NRG3: variants seen among roughly 807,000 people sequenced by gnomAD.
NRG3 encodes pro-neuregulin-3, membrane-bound isoform.
NRG3 carries 31 observed loss-of-function variants against 66.9 expected under a neutral mutation model. The observed-to-expected ratio is 0.46, with a 90% CI of 0.35 to 0.63. The LOEUF is 0.63. Ranked by LOEUF, NRG3 falls within the 20% of genes least tolerant of loss-of-function variation. NRG3 has a pLI of 0.00. For missense variants in NRG3, 910 were observed against 878.9 expected (o/e 1.04, Z -0.45); for synonymous variants, 393 against 359.4 (o/e 1.09, Z -1.06).
At chr10:82,683,111 A>G (rs1482330122) in intron 2 of NRG3, among the ~76,000 whole-genome samples, 1 of 151,618 alleles carries the variant, frequency 6.6e-6, no homozygotes, top group African/African-American at 2.4e-5. Flanking sequence ...GGTGCCCACC[A>G]CCACGCCCGG....
At chr10:82,675,195 G>GGTCCGCCCA (rs1423093665) in intron 2 of NRG3, among the ~76,000 whole-genome samples, 1 of 152,042 alleles carries the variant, frequency 6.6e-6, no homozygotes, top group Non-Finnish European at 1.5e-5. Context: ...GACCTCAGGT[G>GGTCCGCCCA]GTCCGCCCAC....
At chr10:82,723,300 C>G (rs926538115) in intron 2 of NRG3, among the ~76,000 whole-genome samples, 1 of 152,052 alleles carries the variant, frequency 6.6e-6, no homozygotes, top group Admixed American at 6.6e-5. Flanking sequence ...ACAATAGACA[C>G]TGGGGACTAC....
At chr10:82,011,195 G>A (rs983101330) in intron 1 of NRG3, among the ~76,000 whole-genome samples, 6 of 152,070 alleles carry the variant, frequency 3.9e-5, no homozygotes, top group African/African-American at 1.4e-4. Context: ...CAATCATGGT[G>A]GAATGAAAGG....
At chr10:82,455,753 T>C (rs932367424) in intron 2 of NRG3, among the ~76,000 whole-genome samples, 5 of 152,020 alleles carry the variant, frequency 3.3e-5, no homozygotes, top group African/African-American at 1.2e-4. Context: ...TAGCTGGGAT[T>C]ACAGGTGCCC....
intron 2 of NRG3, among the ~76,000 whole-genome samples, chr10:82,723,610 A>C (rs1376215418): frequency 6.6e-6 from 1 of 152,258 alleles, no homozygotes; most frequent in Non-Finnish European, 1.5e-5. Flanking sequence ...ATGATAGTCT[A>C]TAAATGTGTG....
At chr10:82,840,842 CT>C (rs907891701) in intron 3 of NRG3, among the ~76,000 whole-genome samples, 3 of 151,132 alleles carry the variant, frequency 2.0e-5, no homozygotes, top group African/African-American at 4.9e-5. Flanking sequence ...TGCCTCGTGT[CT>C]TTTTTTTTCT....
intron 1 of NRG3, among the ~76,000 whole-genome samples, chr10:82,195,479 TGTG>T (rs2074396265): frequency 6.6e-6 from 1 of 152,146 alleles, no homozygotes; most frequent in Non-Finnish European, 1.5e-5. Flanking sequence ...TGAACTTTGT[TGTG>T]GTGTCTGATA....
chr10:82,979,749 A>T (rs548408440), intron 8 of NRG3, among the ~76,000 whole-genome samples: 1 of 152,178 alleles, frequency 6.6e-6, no homozygotes, highest in African/African-American at 2.4e-5. Flanking sequence ...TGAGTACAGG[A>T]TGAATGTTAA....
At chr10:82,503,381 T>A (rs774858667) in intron 2 of NRG3, among the ~76,000 whole-genome samples, 5 of 152,132 alleles carry the variant, frequency 3.3e-5, no homozygotes, top group Non-Finnish European at 5.9e-5. Context: ...GAGAAGGAAC[T>A]TTGGTAGTAG....
At chr10:82,738,325 G>A (rs1219571792) in intron 2 of NRG3, among the ~76,000 whole-genome samples, 1 of 152,264 alleles carries the variant, frequency 6.6e-6, no homozygotes, top group Middle Eastern at 3.4e-3. Context: ...CTTAAAATGC[G>A]ATTCAATTTG....
At chr10:82,097,309 C>A (rs926773628) in intron 1 of NRG3, among the ~76,000 whole-genome samples, 1 of 148,476 alleles carries the variant, frequency 6.7e-6, no homozygotes, top group Non-Finnish European at 1.5e-5. Context: ...TTTGTTTCAT[C>A]ATTTGTTTAT....
chr10:82,385,867 T>A (rs1192446173), intron 2 of NRG3, among the ~76,000 whole-genome samples: 1 of 152,196 alleles, frequency 6.6e-6, no homozygotes, highest in East Asian at 1.9e-4. Flanking sequence ...ATGTTTTAGC[T>A]ATTAAACCAC....
At chr10:82,042,942 T>G (rs903612794) in intron 1 of NRG3, among the ~76,000 whole-genome samples, 1 of 152,020 alleles carries the variant, frequency 6.6e-6, no homozygotes, top group Non-Finnish European at 1.5e-5. Context: ...GCAAAACATT[T>G]TATTAGAGAT....
rs558771527 is a variant in NRG3 at position 82,361,410 on chromosome 10, C to T, written c.953+2542C>T. Among the ~76,000 whole-genome samples the T allele has an allele frequency of 6.6e-5, 10 of 152,296 alleles. No homozygotes were observed. The South Asian group carries it at 2.1e-3, about 32-fold the overall frequency. ...GTGTGTATGAATAAATCACACATCA[C>T]ATGTGCCTGCTATTCATCTCTCAAG... On this transcript the variant is annotated intron_variant, in intron 2 of 8. Transcript: ENST00000372141.
chr10:82,131,275 C>A (rs2132497623), intron 1 of NRG3, among the ~76,000 whole-genome samples: 1 of 152,200 alleles, frequency 6.6e-6, no homozygotes, highest in East Asian at 1.9e-4. Flanking sequence ...ATCCAGTTTT[C>A]CCAGCACTAT....
intron 1 of NRG3, among the ~76,000 whole-genome samples, chr10:81,975,077 C>A (rs537615392): frequency 8.1e-4 from 121 of 150,304 alleles, no homozygotes; most frequent in African/African-American, 2.7e-3. Flanking sequence ...GCTCTACACA[C>A]AGCAATGAAG....
intron 2 of NRG3, among the ~76,000 whole-genome samples, chr10:82,443,498 C>T (rs970262058): frequency 6.6e-6 from 1 of 151,970 alleles, no homozygotes; most frequent in South Asian, 2.1e-4. Flanking sequence ...TTATTTTGAC[C>T]AAATATCTCA....
chr10:82,854,628 C>A (rs474496), intron 3 of NRG3, among the ~76,000 whole-genome samples: 113,623 of 152,064 alleles, frequency 0.75, 42,935 homozygotes, highest in African/African-American at 0.87. Flanking sequence ...GCCCGACTTC[C>A]GAAGCTACAG....
chr10:82,722,533 G>A (rs1349749720), intron 2 of NRG3, among the ~76,000 whole-genome samples: 2 of 152,062 alleles, frequency 1.3e-5, no homozygotes, highest in Non-Finnish European at 2.9e-5. Context: ...AAATATAGAT[G>A]TGGTCATAAT....
Sources: allele counts gnomAD v4.1 joint callset (sites outside exome capture counted in the v4.1 genomes callset), GRCh38; gene constraint gnomAD v4.1.1; transcripts MANE v1.5; gene names NCBI Gene and HGNC (gene_info 2026-07-23, HGNC 2026-07-21).